HSD11B2: variants seen among roughly 807,000 people sequenced by gnomAD.
HSD11B2 encodes hydroxysteroid 11-beta dehydrogenase 2, also known as 11-beta-hydroxysteroid dehydrogenase type 2.
Under a neutral mutation model 20.9 loss-of-function variants are expected in HSD11B2, and 17 were observed. The ratio of observed to expected loss-of-function variants is 0.81; its 90% CI spans 0.56 to 1.22. The LOEUF is 1.22. Among genes scored for constraint, HSD11B2 ranks in the 50% most tolerant of loss-of-function variants. The pLI is 0.00. For synonymous variants in HSD11B2, 253 were observed against 255.4 expected (o/e 0.99, Z 0.09); for missense variants, 480 against 563.6 (o/e 0.85, Z 1.50).
chr16:67,436,742 C>T lies in HSD11B2; in HGVS notation c.957C>T (p.Thr319=). Residue 319 remains threonine (T), a synonymous_variant, in exon 5 of 5, where the codon ACC becomes ACT. Transcript: ENST00000326152. The surrounding 1 kb of genome is among the most constrained non-coding windows in gnomAD (Gnocchi z 5.7). Reference sequence around the variant, plus strand: ...TACGCCTGGCCATGTCCGACCTCACCCCAGTTGTAGATGCCATCACAGATG... The same window carrying T: ...TACGCCTGGCCATGTCCGACCTCACTCCAGTTGTAGATGCCATCACAGATG... The part of the protein sequence containing the change: ...HSLRLAMSDL[T]PVVDAITDAL... 6.2e-7 allele frequency: 1 copy of T among 1,614,104 alleles called. No individual in the cohort carries two copies. The highest frequency in any genetic ancestry group is 8.5e-7 in the Non-Finnish European group (1 of 1,180,032).
Position 67,436,060 on chromosome 16 carries a change from T to C in HSD11B2, c.582T>C (p.Phe194=), listed in dbSNP as rs773066458. ...TFRSCMEVNF[F]GALELTKGLL... Reference sequence around the variant, plus strand: ...GTAGCTGCATGGAGGTGAATTTCTTTGGCGCGCTCGAGCTGACCAAGGGCC... The same window carrying C: ...GTAGCTGCATGGAGGTGAATTTCTTCGGCGCGCTCGAGCTGACCAAGGGCC... The change falls in exon 3 of 5, where the codon TTT becomes TTC. Residue 194 remains phenylalanine (F), a synonymous_variant. Transcript: ENST00000326152. This position sits in a 1 kb window ranked among gnomAD's most constrained non-coding sequence, Gnocchi z 5.7. The C allele has an allele frequency of 2.5e-6, 4 of 1,614,192 alleles. No individual in the cohort carries two copies. The Admixed American group carries it at 6.7e-5, about 27-fold the overall frequency.
intron 1 of HSD11B2, among the ~76,000 whole-genome samples, chr16:67,435,032 CAAAA>C (rs1057333024): frequency 2.8e-5 from 2 of 70,338 alleles, no homozygotes; most frequent in African/African-American, 5.3e-5. Context: ...CCGTCTCAAA[CAAAA>C]AAAAAAAAAA....
intron 1 of HSD11B2, among the ~76,000 whole-genome samples, chr16:67,431,723 T>C (rs545962929): frequency 6.6e-6 from 1 of 151,032 alleles, no homozygotes; most frequent in Non-Finnish European, 1.5e-5. Context: ...CTGCGGGGAG[T>C]GTTGGAGGGA....
At chr16:67,430,405 G>A (rs72649081), upstream of HSD11B2, among the ~76,000 whole-genome samples, 12 of 152,184 alleles carry the variant, frequency 7.9e-5, no homozygotes, top group African/African-American at 2.9e-4. The surrounding 1 kb of genome is among the most constrained non-coding windows in gnomAD (Gnocchi z 5.4). Context: ...ACATACATTT[G>A]TGAGGCAGGA....
upstream of HSD11B2, among the ~76,000 whole-genome samples, chr16:67,430,437 G>A (rs949664522): frequency 1.3e-5 from 2 of 152,172 alleles, no homozygotes; most frequent in African/African-American, 4.8e-5. This position sits in a 1 kb window ranked among gnomAD's most constrained non-coding sequence, Gnocchi z 5.4. Flanking sequence ...GCGTCCCCAG[G>A]TTTAAGCCCT....
chr16:67,430,684 T>C, upstream of HSD11B2: 1 of 153,672 alleles, frequency 6.5e-6, no homozygotes, highest in South Asian at 1.8e-4. This position sits in a 1 kb window ranked among gnomAD's most constrained non-coding sequence, Gnocchi z 5.4. Flanking sequence ...GGCTGGTTCC[T>C]CGCGGTGTTC....
rs1309751573 is a variant in HSD11B2 at position 67,431,418 on chromosome 16, C to T, written c.170C>T (p.Ala57Val). The T allele has an allele frequency of 7.7e-7, 1 of 1,296,662 alleles. No individual in the cohort carries two copies. Among genetic ancestry groups the T allele is most frequent in the Non-Finnish European group, 9.8e-7 (1 of 1,025,304 alleles). 80.3% of individuals were successfully genotyped at this position (1,296,662 alleles called of 1,614,324 possible). Residue 57 changes from alanine to valine, a missense_variant, in exon 1 of 5, where the codon GCA (alanine) becomes GTA (valine). Around this residue, in one of 2 missense-constraint regions of HSD11B2, gnomAD observed 106 missense variants for 82.8 expected, o/e 1.28. Coordinates refer to ENST00000326152, the MANE Select transcript of HSD11B2 (RefSeq NM_000196.4). ...LCQRLLPPPA[A>V]LAVLAAAGWI... The stretch of plus-strand genomic sequence containing the variant: ...CAGCGCCTGCTGCCCCCGCCGGCCG[C>T]ACTCGCCGTGCTGGCCGCCGCCGGC...
intron 1 of HSD11B2, among the ~76,000 whole-genome samples, chr16:67,433,796 C>A (rs1305081204): frequency 1.3e-5 from 2 of 152,104 alleles, no homozygotes; most frequent in East Asian, 3.9e-4. Flanking sequence ...AGCTCGAAGA[C>A]CCCTGCCCAG....
At chr16:67,430,492 C>A (rs1300560236), upstream of HSD11B2, among the ~76,000 whole-genome samples, 2 of 152,196 alleles carry the variant, frequency 1.3e-5, no homozygotes, top group Non-Finnish European at 2.9e-5. The surrounding 1 kb of genome is among the most constrained non-coding windows in gnomAD (Gnocchi z 5.4). Context: ...GAACCGGGAG[C>A]GGTCGTCCTG....
chr16:67,436,439 G>T lies in HSD11B2; in HGVS notation c.802+53G>T. On this transcript the variant is annotated intron_variant, in intron 4 of 4. Coordinates refer to ENST00000326152, the MANE Select transcript of HSD11B2 (RefSeq NM_000196.4). The surrounding 1 kb of genome is among the most constrained non-coding windows in gnomAD (Gnocchi z 5.7). ...GGGGTGGGGAATGGGGCTGGGAATGGTCTTATGGGGGCAGGTCAGGTTTGA... is the reference window on the plus strand; with the variant it reads ...GGGGTGGGGAATGGGGCTGGGAATGTTCTTATGGGGGCAGGTCAGGTTTGA... The T allele has an allele frequency of 6.5e-7, 1 of 1,534,346 alleles. No individual in the cohort carries two copies. Among genetic ancestry groups the T allele is most frequent in the Non-Finnish European group, 8.8e-7 (1 of 1,132,712 alleles).
chr16:67,429,982 C>T (rs1339865440), upstream of HSD11B2, among the ~76,000 whole-genome samples: 1 of 152,164 alleles, frequency 6.6e-6, no homozygotes, highest in Non-Finnish European at 1.5e-5. Flanking sequence ...AGGCACTGAG[C>T]ACGGCCTGGA....
chr16:67,436,245 G>A lies in HSD11B2; in HGVS notation c.665-4G>A, dbSNP rs752572905. On this transcript the variant is annotated splice_polypyrimidine_tract_variant and splice_region_variant and intron_variant, in intron 3 of 4. Transcript: ENST00000326152. The surrounding 1 kb of genome is among the most constrained non-coding windows in gnomAD (Gnocchi z 5.7). Reference sequence around the variant, plus strand: ...GAGCTGCCCCACTCCCAATCCATCCGCAGGGGACATGCCATATCCGTGCTT... The same window carrying A: ...GAGCTGCCCCACTCCCAATCCATCCACAGGGGACATGCCATATCCGTGCTT... The A allele has an allele frequency of 2.3e-5, 37 of 1,613,938 alleles. No homozygotes were observed. The highest frequency in any genetic ancestry group is 1.2e-4 in the Admixed American group (7 of 60,010).
chr16:67,431,245 C>T lies in HSD11B2; in HGVS notation c.-4C>T. 1.7e-6 allele frequency: 2 copies of T among 1,209,364 alleles called. No homozygotes were observed. The highest frequency in any genetic ancestry group is 2.1e-6 in the Non-Finnish European group (2 of 970,176). 74.9% of individuals were successfully genotyped at this position (1,209,364 alleles called of 1,614,324 possible). ...CCCGCCCCGCCCCAGCCCGCTGGGCCGCCATGGAGCGCTGGCCTTGGCCGT... is the reference window on the plus strand; with the variant it reads ...CCCGCCCCGCCCCAGCCCGCTGGGCTGCCATGGAGCGCTGGCCTTGGCCGT... On this transcript the variant is annotated 5_prime_UTR_variant, in exon 1 of 5. Coordinates refer to ENST00000326152, the MANE Select transcript of HSD11B2 (RefSeq NM_000196.4).
chr16:67,437,075 C>A lies in HSD11B2; in HGVS notation c.*72C>A. 6.1e-6 allele frequency: 9 copies of A among 1,472,808 alleles called. No homozygotes were observed. Among genetic ancestry groups the A allele is most frequent in the Non-Finnish European group, 8.3e-6 (9 of 1,081,254 alleles). 91.2% of individuals were successfully genotyped at this position (1,472,808 alleles called of 1,614,324 possible). On this transcript the variant is annotated 3_prime_UTR_variant, in exon 5 of 5. Transcript: ENST00000326152. ...GAGCCCTTGGTTCCTCCCCGAAAAC[C>A]CCCAGCATTACGATCCCCCAAGTGT...
At chr16:67,430,659 G>T, upstream of HSD11B2, 2 of 153,922 alleles carry the variant, frequency 1.3e-5, no homozygotes, top group South Asian at 3.5e-4. The surrounding 1 kb of genome is among the most constrained non-coding windows in gnomAD (Gnocchi z 5.4). Context: ...CGGCAGCGGA[G>T]ACCGGGTGAG....
chr16:67,436,801 A>C lies in HSD11B2; in HGVS notation c.1016A>C (p.Tyr339Ser), dbSNP rs2040979176. 1 of 1,613,604 alleles carries C rather than the reference A, an allele frequency of 6.2e-7. No homozygotes were observed. Among genetic ancestry groups the C allele is most frequent in the Non-Finnish European group, 8.5e-7 (1 of 1,180,004 alleles). Residue 339 changes from tyrosine (Y) to serine (S), a missense_variant, in exon 5 of 5, where the codon TAC becomes TCC. By Grantham distance (144) the Tyr-to-Ser change is moderately radical. Transcript: ENST00000326152. The surrounding 1 kb of genome is among the most constrained non-coding windows in gnomAD (Gnocchi z 5.7). The stretch of plus-strand genomic sequence containing the variant: ...GCAGCTCGGCCCCGCCGCCGCTATT[A>C]CCCCGGCCAGGGCCTGGGGCTCATG... ...LLAARPRRRYYPGQGLGLMYF... is the reference protein window; with the variant it reads ...LLAARPRRRYSPGQGLGLMYF...
chr16:67,432,513 C>T (rs980092529), intron 1 of HSD11B2: 7 of 152,278 alleles, frequency 4.6e-5, no homozygotes, highest in Non-Finnish European at 7.3e-5. Flanking sequence ...GGAGGAAATC[C>T]TTGAGTGGGG....
upstream of HSD11B2, chr16:67,430,590 C>T (rs1274348935): frequency 1.3e-5 from 2 of 153,116 alleles, no homozygotes; most frequent in Non-Finnish European, 2.9e-5. The surrounding 1 kb of genome is among the most constrained non-coding windows in gnomAD (Gnocchi z 5.4). Flanking sequence ...CGCCAGGGAC[C>T]TGGCGCAGCC....
chr16:67,430,027 C>A (rs931135340), upstream of HSD11B2, among the ~76,000 whole-genome samples: 1 of 152,040 alleles, frequency 6.6e-6, no homozygotes, highest in African/African-American at 2.4e-5. This position sits in a 1 kb window ranked among gnomAD's most constrained non-coding sequence, Gnocchi z 5.4. Flanking sequence ...CTGTCGAGGG[C>A]TACACCTACT....
Sources: allele counts gnomAD v4.1 joint callset (sites outside exome capture counted in the v4.1 genomes callset), GRCh38; gene constraint gnomAD v4.1.1; regional missense constraint gnomAD v4.1.1; non-coding constraint Gnocchi (gnomAD v3.1); transcripts MANE v1.5; gene names NCBI Gene and HGNC (gene_info 2026-07-23, HGNC 2026-07-21).